The following PRKG1 variants were observed in gnomAD, a reference collection of about 807,000 sequenced individuals.
PRKG1 encodes cGMP-dependent protein kinase 1.
Under a neutral mutation model 88.1 loss-of-function variants are expected in PRKG1, and 35 were observed. That is an observed-to-expected ratio of 0.40 (90% confidence interval 0.30 to 0.53). PRKG1 has a LOEUF of 0.53. Ranked by LOEUF, PRKG1 falls within the 20% of genes least tolerant of loss-of-function variation. The pLI, the probability that PRKG1 is intolerant of heterozygous loss-of-function variation, is 0.59. For missense variants in PRKG1, 540 were observed against 839.8 expected (o/e 0.64, Z 4.41); for synonymous variants, 303 against 292.5 (o/e 1.04, Z -0.37).
At chr10:51,565,028 G>T (rs1010876976) in intron 3 of PRKG1, among the ~76,000 whole-genome samples, 2 of 151,972 alleles carry the variant, frequency 1.3e-5, no homozygotes, top group Admixed American at 6.6e-5. Flanking sequence ...ACACACAAAA[G>T]GTCATTTGTC....
intron 3 of PRKG1, chr10:51,698,632 C>G (rs141454087): frequency 8.6e-5 from 139 of 1,613,988 alleles, no homozygotes; most frequent in Non-Finnish European, 1.2e-4. Context: ...GATCTGACAT[C>G]TGCACTTGTC....
chr10:51,298,353 T>C (rs1233970457), intron 2 of PRKG1, among the ~76,000 whole-genome samples: 1 of 152,162 alleles, frequency 6.6e-6, no homozygotes, highest in Admixed American at 6.5e-5. Flanking sequence ...TTAAAAGATT[T>C]AGGTTCTGAG....
chr10:51,473,030 G>T (rs376139191), intron 3 of PRKG1, among the ~76,000 whole-genome samples: 6 of 151,884 alleles, frequency 4.0e-5, no homozygotes, highest in African/African-American at 9.7e-5. Flanking sequence ...TGTTATCATC[G>T]CAGACAATGA....
chr10:51,292,384 G>A lies in PRKG1; in HGVS notation c.478+139054G>A, dbSNP rs74133562. ...CTCACAGAATGGGTGAGACTTGTCC[G>A]ATTTTTTAGGACAAGTGACATAGGC... On this transcript the variant is annotated intron_variant, in intron 2 of 17. Coordinates refer to ENST00000373980, the MANE Select transcript of PRKG1 (RefSeq NM_006258.4). Among the ~76,000 whole-genome samples the A allele has an allele frequency of 9.9e-3, 1,511 of 152,182 alleles. 23 individuals are homozygous for A. The highest frequency in any genetic ancestry group is 0.034 in the African/African-American group (1,401 of 41,542).
chr10:51,360,014 G>T (rs1380427129), intron 2 of PRKG1, among the ~76,000 whole-genome samples: 1 of 151,888 alleles, frequency 6.6e-6, no homozygotes, highest in Non-Finnish European at 1.5e-5. Context: ...GGTTTCTGGG[G>T]TATCCTGATG....
At chr10:51,604,536 C>G (rs1002374741) in intron 3 of PRKG1, among the ~76,000 whole-genome samples, 1 of 152,170 alleles carries the variant, frequency 6.6e-6, no homozygotes, top group Non-Finnish European at 1.5e-5. Context: ...CCACACAGAT[C>G]AAAATCTAAA....
chr10:51,705,831 C>A (rs1470807005), intron 3 of PRKG1, among the ~76,000 whole-genome samples: 8 of 152,186 alleles, frequency 5.3e-5, no homozygotes, highest in Admixed American at 5.2e-4. Flanking sequence ...GCTCATAAAT[C>A]ATTGTTCTAT....
intron 7 of PRKG1, among the ~76,000 whole-genome samples, chr10:52,075,099 C>T (rs1432939340): frequency 6.6e-6 from 1 of 152,028 alleles, no homozygotes; most frequent in Non-Finnish European, 1.5e-5. Context: ...CGAAAAATGT[C>T]AATAAATAAT....
At chr10:51,120,967 T>C (rs1339786412) in intron 1 of PRKG1, among the ~76,000 whole-genome samples, 1 of 152,174 alleles carries the variant, frequency 6.6e-6, no homozygotes, top group Non-Finnish European at 1.5e-5. Flanking sequence ...TGTTCCTTTT[T>C]GGAAGCTCTA....
intron 2 of PRKG1, among the ~76,000 whole-genome samples, chr10:51,286,073 C>A (rs915872901): frequency 6.6e-6 from 1 of 152,116 alleles, no homozygotes; most frequent in African/African-American, 2.4e-5. Flanking sequence ...CAGTTTCAAG[C>A]AATTCTTGGA....
chr10:52,062,812 C>T lies in PRKG1; in HGVS notation c.935+181C>T, dbSNP rs770893128. The T allele has an allele frequency of 5.5e-5, 40 of 722,706 alleles. No individual in the cohort carries two copies. Among genetic ancestry groups the T allele is most frequent in the Admixed American group, 3.2e-4 (16 of 50,076 alleles). The allele number at this position is 722,706 out of a possible 1,614,324, so 44.8% of individuals were successfully genotyped here. On this transcript the variant is annotated intron_variant, in intron 7 of 17. Coordinates refer to ENST00000373980, the MANE Select transcript of PRKG1 (RefSeq NM_006258.4). ...GCTGGACTTGGAATCTGTTTGAATA[C>T]GTTGTGGAATAAATTCCTTAATTTC...
intron 1 of PRKG1, among the ~76,000 whole-genome samples, chr10:51,147,105 C>T (rs1322932000): frequency 6.6e-6 from 1 of 151,876 alleles, no homozygotes; most frequent in Non-Finnish European, 1.5e-5. Flanking sequence ...AAGTAAAGAG[C>T]AGGATTATAG....
At position 51,178,896 on chromosome 10, in the gene PRKG1, A is replaced by G. The variant is rs540821853; in HGVS notation, c.478+25566A>G. On this transcript the variant is annotated intron_variant, in intron 2 of 17. Coordinates refer to ENST00000373980, the MANE Select transcript of PRKG1 (RefSeq NM_006258.4). Reference sequence around the variant, plus strand: ...TTCCAAATACACTGACCTTCTAATAACCAATATAACATTTGTATGCATAAT... The same window carrying G: ...TTCCAAATACACTGACCTTCTAATAGCCAATATAACATTTGTATGCATAAT... Among the ~76,000 whole-genome samples, 38 of 152,328 alleles carry G rather than the reference A, an allele frequency of 2.5e-4. No individual in the cohort carries two copies. In the South Asian group the frequency reaches 7.5e-3, roughly 30 times the overall value.
chr10:51,649,405 A>T (rs1332686842), intron 3 of PRKG1, among the ~76,000 whole-genome samples: 5 of 151,984 alleles, frequency 3.3e-5, no homozygotes, highest in Admixed American at 2.0e-4. Flanking sequence ...TTCTTCTGAG[A>T]GTGATCCCCA....
At chr10:52,072,739 T>G (rs1203470574) in intron 7 of PRKG1, among the ~76,000 whole-genome samples, 1 of 152,168 alleles carries the variant, frequency 6.6e-6, no homozygotes, top group Non-Finnish European at 1.5e-5. Flanking sequence ...AACTCTCAAC[T>G]TCAACTCTCA....
intron 4 of PRKG1, among the ~76,000 whole-genome samples, chr10:51,811,832 G>A (rs1020308989): frequency 6.6e-6 from 1 of 152,144 alleles, no homozygotes; most frequent in African/African-American, 2.4e-5. Context: ...TCCATTTTTA[G>A]TGATAGATTT....
chr10:51,793,013 C>T (rs1162157810), intron 3 of PRKG1, among the ~76,000 whole-genome samples: 8 of 150,538 alleles, frequency 5.3e-5, no homozygotes, highest in Non-Finnish European at 1.2e-4. Flanking sequence ...AAACAAAAAT[C>T]AGAGAATCAT....
chr10:51,278,088 G>T (rs1564667306), intron 2 of PRKG1, among the ~76,000 whole-genome samples: 5 of 152,112 alleles, frequency 3.3e-5, no homozygotes. Context: ...TTGGCTGTGG[G>T]TTTGTCATAA....
At chr10:51,838,722 G>A (rs1840191953) in intron 4 of PRKG1, among the ~76,000 whole-genome samples, 2 of 151,884 alleles carry the variant, frequency 1.3e-5, no homozygotes, top group African/African-American at 2.4e-5. Context: ...GAAAGCTTAA[G>A]TTTGAAAGCT....
Sources: gnomAD v4.1 joint callset for allele counts (sites outside exome capture counted in the v4.1 genomes callset) on GRCh38, gnomAD v4.1.1 for gene constraint, MANE v1.5 for transcripts, NCBI Gene and HGNC (gene_info 2026-07-23, HGNC 2026-07-21) for gene names.